The following DENND2B variants were observed in gnomAD, a reference collection of about 807,000 sequenced individuals.
DENND2B encodes the protein DENN domain-containing protein 2B.
DENND2B carries 32 observed loss-of-function variants against 116.0 expected under a neutral mutation model. The observed-to-expected ratio is 0.28, with a 90% confidence interval of 0.21 to 0.37. The LOEUF (loss-of-function observed/expected upper bound fraction) is 0.37, where lower values mean the gene tolerates loss of function less well. Ranked by LOEUF, DENND2B falls within the 10% of genes least tolerant of loss-of-function variation. The pLI is 1.00. For missense variants in DENND2B, 1,276 were observed against 1,477.7 expected (o/e 0.86, Z 2.24); for synonymous variants, 588 against 583.9 (o/e 1.01, Z -0.10).
chr11:8,902,383 C>T (rs1327843848), intron 1 of DENND2B, among the ~76,000 whole-genome samples: 2 of 150,862 alleles, frequency 1.3e-5, no homozygotes, highest in African/African-American at 2.4e-5. Context: ...GTTGAATTGT[C>T]TATTTCTTGC....
chr11:8,792,213 A>G (rs2059444652), intron 1 of DENND2B, among the ~76,000 whole-genome samples: 1 of 152,224 alleles, frequency 6.6e-6, no homozygotes, highest in Admixed American at 6.5e-5. Context: ...TCACACACAC[A>G]CACACAAATA....
intron 3 of DENND2B, among the ~76,000 whole-genome samples, chr11:8,852,528 T>C (rs4910068): frequency 0.21 from 31,980 of 151,342 alleles, 3,825 homozygotes; most frequent in Middle Eastern, 0.37. Flanking sequence ...AACAGAAGAG[T>C]AATTGGGATA....
intron 1 of DENND2B, among the ~76,000 whole-genome samples, chr11:8,755,370 C>T (rs2053434777): frequency 6.6e-6 from 1 of 152,172 alleles, no homozygotes; most frequent in Admixed American, 6.5e-5. Context: ...AAGTCAAGTC[C>T]TAATTCTTGA....
At chr11:8,788,103 C>T (rs1297606093) in intron 1 of DENND2B, among the ~76,000 whole-genome samples, 1 of 152,134 alleles carries the variant, frequency 6.6e-6, no homozygotes, top group Non-Finnish European at 1.5e-5. Flanking sequence ...GGTGGGTTCT[C>T]TGGACCACTG....
At chr11:8,894,660 A>C (rs2134748807) in intron 1 of DENND2B, among the ~76,000 whole-genome samples, 1 of 152,312 alleles carries the variant, frequency 6.6e-6, no homozygotes, top group Middle Eastern at 3.4e-3. Flanking sequence ...GCTCACCATC[A>C]CTGGCCATCA....
At chr11:8,782,913 G>A (rs1332574395) in intron 1 of DENND2B, among the ~76,000 whole-genome samples, 2 of 147,254 alleles carry the variant, frequency 1.4e-5, no homozygotes, top group African/African-American at 5.0e-5. Context: ...AAAAGATATT[G>A]TTAAATAATT....
intron 4 of DENND2B, among the ~76,000 whole-genome samples, chr11:8,836,245 A>G (rs2062420573): frequency 6.6e-6 from 1 of 151,684 alleles, no homozygotes; most frequent in Admixed American, 6.6e-5. Flanking sequence ...GAAAGTATAC[A>G]GAATCAATTA....
At chr11:8,811,891 G>A (rs969033340), upstream of DENND2B, among the ~76,000 whole-genome samples, 4 of 151,684 alleles carry the variant, frequency 2.6e-5, no homozygotes, top group Admixed American at 1.3e-4. Context: ...GCACCACCAC[G>A]CCTGGCTACT....
chr11:8,770,361 T>C (rs929076325), intron 1 of DENND2B, among the ~76,000 whole-genome samples: 1 of 152,118 alleles, frequency 6.6e-6, no homozygotes, highest in African/African-American at 2.4e-5. Context: ...TTAGTAAGAG[T>C]AGAACCAAGT....
intron 1 of DENND2B, among the ~76,000 whole-genome samples, chr11:8,768,393 C>T (rs1234492446): frequency 6.6e-6 from 1 of 152,086 alleles, no homozygotes; most frequent in East Asian, 1.9e-4. Flanking sequence ...ACTACAGGTG[C>T]ATGTAACCAT....
At chr11:8,854,432 C>T (rs1373812091) in intron 3 of DENND2B, among the ~76,000 whole-genome samples, 7 of 152,168 alleles carry the variant, frequency 4.6e-5, no homozygotes, top group East Asian at 3.9e-4. Context: ...AAACTCCTGA[C>T]CTCAAGTGAT....
At chr11:8,805,661 T>TG (rs1040152766) in intron 1 of DENND2B, among the ~76,000 whole-genome samples, 2 of 152,190 alleles carry the variant, frequency 1.3e-5, no homozygotes, top group African/African-American at 2.4e-5. Context: ...GAGCATGAGA[T>TG]GGTCATTAAC....
intron 1 of DENND2B, among the ~76,000 whole-genome samples, chr11:8,761,958 G>C (rs2054735307): frequency 6.6e-6 from 1 of 152,004 alleles, no homozygotes; most frequent in African/African-American, 2.4e-5. Context: ...GAAGTCTCCG[G>C]GCTGGGGTTT....
At chr11:8,733,223 CG>C (rs947823269) in intron 2 of DENND2B, among the ~76,000 whole-genome samples, 1 of 152,096 alleles carries the variant, frequency 6.6e-6, no homozygotes, top group East Asian at 1.9e-4. Context: ...AGGCTTGAGG[CG>C]GGGGGAGATC....
At chr11:8,753,376 G>A (rs10743086) in intron 1 of DENND2B, among the ~76,000 whole-genome samples, 35,620 of 152,118 alleles carry the variant, frequency 0.23, 4,429 homozygotes, top group South Asian at 0.34. Context: ...TGCAAGACAT[G>A]TATACTGTAA....
intron 1 of DENND2B, among the ~76,000 whole-genome samples, chr11:8,784,816 T>G (rs1289616053): frequency 1.4e-5 from 2 of 147,680 alleles, no homozygotes; most frequent in African/African-American, 5.1e-5. Context: ...TCAGCCTGGG[T>G]GACAAAGTAA....
intron 2 of DENND2B, among the ~76,000 whole-genome samples, chr11:8,735,384 A>C (rs1436587959): frequency 6.6e-6 from 1 of 152,228 alleles, no homozygotes; most frequent in African/African-American, 2.4e-5. Context: ...ACACAGCTAC[A>C]TGAGTGCGCC....
intron 1 of DENND2B, among the ~76,000 whole-genome samples, chr11:8,903,383 T>G (rs2064194099): frequency 6.7e-6 from 1 of 150,174 alleles, no homozygotes; most frequent in Non-Finnish European, 1.5e-5. Context: ...CACTACTGCA[T>G]TCCAGCCTGG....
At chr11:8,757,101 G>A (rs775586344) in intron 1 of DENND2B, 10 of 456,094 alleles carry the variant, frequency 2.2e-5, no homozygotes, top group Middle Eastern at 6.5e-4. Context: ...CGCAGGCCCC[G>A]AGGGGCAGTG....
Sources: gnomAD v4.1 joint callset for allele counts (sites outside exome capture counted in the v4.1 genomes callset) on GRCh38, gnomAD v4.1.1 for gene constraint, MANE v1.5 for transcripts, NCBI Gene and HGNC (gene_info 2026-07-23, HGNC 2026-07-21) for gene names.